CNTN5: variants seen among roughly 807,000 people sequenced by gnomAD.
CNTN5 encodes the protein contactin-5.
In CNTN5, 77 loss-of-function variants were observed where a neutral mutation model predicts 129.1. The ratio of observed to expected loss-of-function variants is 0.60; its 90% confidence interval spans 0.50 to 0.72. The LOEUF (loss-of-function observed/expected upper bound fraction) is 0.72, where lower values mean the gene tolerates loss of function less well. Ranked by LOEUF, CNTN5 falls within the 30% of genes least tolerant of loss-of-function variation. The pLI is 0.00. For missense variants in CNTN5, 1,478 were observed against 1,328.8 expected, an observed-to-expected ratio of 1.11 and a Z score of -1.75; for synonymous variants, 509 against 465.6, an observed-to-expected ratio of 1.09 and a Z score of -1.20.
At position 99,977,124 on chromosome 11, in the gene CNTN5, G is replaced by A. The variant is rs1292863538; in HGVS notation, c.877+20115G>A. Among the ~76,000 whole-genome samples, 3 of 152,162 alleles carry A rather than the reference G, an allele frequency of 2.0e-5. No individual in the cohort carries two copies. The East Asian group carries it at 5.8e-4, about 29-fold the overall frequency. On this transcript the variant is annotated intron_variant, in intron 8 of 24. Transcript: ENST00000524871. Reference sequence around the variant, plus strand: ...TAGTTCCACAGATATCTAGGTCAGAGGCAAAATACCACCAGTCTCCTTGCT... The same window carrying A: ...TAGTTCCACAGATATCTAGGTCAGAAGCAAAATACCACCAGTCTCCTTGCT...
At chr11:99,816,077 A>G (rs551041663) in intron 3 of CNTN5, among the ~76,000 whole-genome samples, 14 of 152,230 alleles carry the variant, frequency 9.2e-5, no homozygotes, top group Admixed American at 6.5e-4. Context: ...AAATTCAACT[A>G]TTAATAGACT....
chr11:99,160,140 T>A (rs369420401), intron 1 of CNTN5, among the ~76,000 whole-genome samples: 38 of 152,284 alleles, frequency 2.5e-4, no homozygotes, highest in African/African-American at 9.1e-4. Flanking sequence ...CTAAAATATT[T>A]CCAGCCACTG....
chr11:99,802,315 T>A (rs1946139507), intron 3 of CNTN5, among the ~76,000 whole-genome samples: 1 of 152,198 alleles, frequency 6.6e-6, no homozygotes, highest in Non-Finnish European at 1.5e-5. Context: ...GGGAATGAGC[T>A]GATTTGTGGA....
intron 8 of CNTN5, among the ~76,000 whole-genome samples, chr11:99,997,956 T>C (rs1291880574): frequency 3.3e-5 from 5 of 151,938 alleles, no homozygotes; most frequent in Admixed American, 2.0e-4. Flanking sequence ...AATTCAACAA[T>C]CTTCATGCTA....
At chr11:100,221,612 A>G (rs1949267787) in intron 15 of CNTN5, among the ~76,000 whole-genome samples, 1 of 152,202 alleles carries the variant, frequency 6.6e-6, no homozygotes, top group Non-Finnish European at 1.5e-5. Flanking sequence ...TTGCTGCTCT[A>G]ACAGAGAGTG....
rs1952564345 is a variant in CNTN5, at chr11:100,358,037, T to G, written c.*1817T>G. On this transcript the variant is annotated 3_prime_UTR_variant, in exon 25 of 25. Coordinates refer to ENST00000524871, the MANE Select transcript of CNTN5 (RefSeq NM_014361.4). ...CCTTTAAAGTGGGAGAGGCTGGACT[T>G]TGCAAAAACAGGGATGCTAATTGTT... 6.6e-6 allele frequency: 1 copy of G among 151,864 alleles called. No homozygotes were observed. The highest frequency in any genetic ancestry group is 1.5e-5 in the Non-Finnish European group (1 of 67,828). The allele number at this position is 151,864 out of a possible 1,614,324, so 9.4% of individuals were successfully genotyped here.
intron 2 of CNTN5, among the ~76,000 whole-genome samples, chr11:99,429,254 A>G (rs571152588): frequency 6.6e-6 from 1 of 152,284 alleles, no homozygotes; most frequent in South Asian, 2.1e-4. Flanking sequence ...ATTTAAGCCA[A>G]TTAATTAGAG....
intron 3 of CNTN5, among the ~76,000 whole-genome samples, chr11:99,688,810 A>G (rs1457672746): frequency 2.6e-5 from 4 of 151,994 alleles, no homozygotes; most frequent in African/African-American, 9.7e-5. Flanking sequence ...CTACACGTTA[A>G]TGTATTCTCA....
intron 2 of CNTN5, among the ~76,000 whole-genome samples, chr11:99,381,936 C>G (rs1940584317): frequency 6.6e-6 from 1 of 152,082 alleles, no homozygotes; most frequent in Admixed American, 6.6e-5. Context: ...CCATCTTCAT[C>G]TGATGCTCCT....
chr11:99,332,170 A>G (rs1474884643), intron 2 of CNTN5, among the ~76,000 whole-genome samples: 1 of 152,120 alleles, frequency 6.6e-6, no homozygotes, highest in Non-Finnish European at 1.5e-5. Context: ...CATTATCCCC[A>G]AATATGCATT....
chr11:99,485,038 C>T (rs1193412763), intron 2 of CNTN5, among the ~76,000 whole-genome samples: 1 of 151,960 alleles, frequency 6.6e-6, no homozygotes, highest in Admixed American at 6.6e-5. Flanking sequence ...AACAATAATA[C>T]ATAGTTTCAA....
chr11:99,730,318 C>A (rs1046566685), intron 3 of CNTN5, among the ~76,000 whole-genome samples: 7 of 152,190 alleles, frequency 4.6e-5, no homozygotes, highest in African/African-American at 1.7e-4. Context: ...TAAGTAGTAA[C>A]AGTAAACCTA....
chr11:99,768,432 C>T (rs1045907838), intron 3 of CNTN5, among the ~76,000 whole-genome samples: 2 of 152,078 alleles, frequency 1.3e-5, no homozygotes, highest in African/African-American at 4.8e-5. Flanking sequence ...AATATTGTCT[C>T]ATAGACAGTC....
intron 8 of CNTN5, among the ~76,000 whole-genome samples, chr11:99,990,783 T>A (rs1014843786): frequency 6.6e-6 from 1 of 152,216 alleles, no homozygotes; most frequent in Non-Finnish European, 1.5e-5. Flanking sequence ...TTCCAAATAC[T>A]ATAACATATT....
At chr11:100,080,951 T>C (rs1043752801) in intron 13 of CNTN5, among the ~76,000 whole-genome samples, 1 of 152,162 alleles carries the variant, frequency 6.6e-6, no homozygotes, top group Non-Finnish European at 1.5e-5. Flanking sequence ...TATAAACTGC[T>C]TACTATATAA....
chr11:99,354,175 T>G (rs1400026290), intron 2 of CNTN5, among the ~76,000 whole-genome samples: 2 of 152,236 alleles, frequency 1.3e-5, no homozygotes. Flanking sequence ...GTATTTTCAA[T>G]ATAGTAAATG....
chr11:99,578,700 T>C (rs1250779248), intron 3 of CNTN5, among the ~76,000 whole-genome samples: 1 of 151,364 alleles, frequency 6.6e-6, no homozygotes, highest in Non-Finnish European at 1.5e-5. Flanking sequence ...TGTAAATTTG[T>C]TTGAGTTCAT....
intron 2 of CNTN5, among the ~76,000 whole-genome samples, chr11:99,334,820 T>A (rs1022103697): frequency 1.8e-5 from 1 of 54,116 alleles, no homozygotes; most frequent in South Asian, 1.1e-3. Context: ...ATATATTTTT[T>A]AAAATAATTC....
At chr11:99,498,083 C>A (rs1214024278) in intron 2 of CNTN5, among the ~76,000 whole-genome samples, 4 of 152,032 alleles carry the variant, frequency 2.6e-5, no homozygotes, top group African/African-American at 9.7e-5. Flanking sequence ...TTTATGGTTA[C>A]CTAATGGGTC....
Sources: gnomAD v4.1 joint callset for allele counts (sites outside exome capture counted in the v4.1 genomes callset) on GRCh38, gnomAD v4.1.1 for gene constraint, MANE v1.5 for transcripts, NCBI Gene and HGNC (gene_info 2026-07-23, HGNC 2026-07-21) for gene names.